The following NALF1 variants were observed in gnomAD, a reference collection of about 807,000 sequenced individuals.
NALF1 encodes family with sequence similarity 155 member A.
A neutral mutation model predicts 48.4 loss-of-function variants in NALF1; 3 were observed. That is an observed-to-expected ratio of 0.06 (90% CI 0.03 to 0.16). The LOEUF is 0.16. NALF1 is among the 10% of genes least tolerant of loss of function. NALF1 has a pLI of 1.00. For missense variants in NALF1, 526 were observed against 571.5 expected (o/e 0.92, Z 0.81); for synonymous variants, 262 against 245.7 (o/e 1.07, Z -0.62).
chr13:107,834,120 T>C (rs1429409767), intron 1 of NALF1, among the ~76,000 whole-genome samples: 5 of 152,216 alleles, frequency 3.3e-5, no homozygotes, highest in Admixed American at 6.5e-5. Context: ...ACTAGTTATA[T>C]AGCATTTGCT....
At chr13:107,457,977 A>C (rs1214470051) in intron 1 of NALF1, among the ~76,000 whole-genome samples, 1 of 152,082 alleles carries the variant, frequency 6.6e-6, no homozygotes, top group Non-Finnish European at 1.5e-5. Context: ...ATTAACTGAC[A>C]AACACTCCAC....
intron 1 of NALF1, among the ~76,000 whole-genome samples, chr13:107,635,547 G>A (rs1410033444): frequency 2.0e-5 from 3 of 151,994 alleles, no homozygotes; most frequent in Non-Finnish European, 2.9e-5. Flanking sequence ...ACCCTTTAAG[G>A]CTAGCATAAG....
At position 107,546,899 on chromosome 13, in the gene NALF1, T is replaced by A. The variant is rs183852649; in HGVS notation, c.915+318783A>T. Among the ~76,000 whole-genome samples the A allele has an allele frequency of 2.2e-3, 332 of 152,262 alleles. 2 individuals carry two copies. Among genetic ancestry groups the A allele is most frequent in the African/African-American group, 7.5e-3 (311 of 41,556 alleles). On this transcript the variant is annotated intron_variant, in intron 1 of 2. Transcript: ENST00000375915. ...TATTGGAGGAAATATGGGAGAATAA[T>A]TTACAGATAAACATTGGCAAGCCTA...
chr13:107,179,150 T>C (rs942178501), intron 2 of NALF1, among the ~76,000 whole-genome samples: 1 of 151,940 alleles, frequency 6.6e-6, no homozygotes. Flanking sequence ...GAAAATGTGG[T>C]ACATATACTT....
At chr13:107,494,867 C>T (rs1478890693) in intron 1 of NALF1, among the ~76,000 whole-genome samples, 4 of 152,028 alleles carry the variant, frequency 2.6e-5, no homozygotes, top group Non-Finnish European at 5.9e-5. Context: ...GAATACTGAA[C>T]AATATATGGA....
intron 1 of NALF1, among the ~76,000 whole-genome samples, chr13:107,856,473 A>T (rs977271425): frequency 6.6e-6 from 1 of 152,146 alleles, no homozygotes; most frequent in Non-Finnish European, 1.5e-5. Flanking sequence ...GCAAACAATT[A>T]CTTATTCATT....
At chr13:107,263,787 T>C (rs1010438721) in intron 1 of NALF1, among the ~76,000 whole-genome samples, 1 of 152,126 alleles carries the variant, frequency 6.6e-6, no homozygotes, top group Non-Finnish European at 1.5e-5. Flanking sequence ...AGTGTGAAAA[T>C]GGACTAAGAC....
intron 1 of NALF1, among the ~76,000 whole-genome samples, chr13:107,601,963 G>A (rs1487512409): frequency 6.6e-6 from 1 of 151,400 alleles, no homozygotes; most frequent in Non-Finnish European, 1.5e-5. Flanking sequence ...GTTTTAATGC[G>A]ACAAATTTCC....
At chr13:107,305,155 T>C (rs1372587909) in intron 1 of NALF1, among the ~76,000 whole-genome samples, 1 of 152,200 alleles carries the variant, frequency 6.6e-6, no homozygotes, top group Non-Finnish European at 1.5e-5. Flanking sequence ...CATACCTCAT[T>C]GCAGAGTTAC....
At position 107,656,536 on chromosome 13, in the gene NALF1, AG is replaced by A. The variant is rs1223734204; in HGVS notation, c.915+209145del. Among the ~76,000 whole-genome samples the A allele has an allele frequency of 4.6e-5, 7 of 152,170 alleles. No individual in the cohort carries two copies. The South Asian group carries it at 1.2e-3, about 27-fold the overall frequency. On this transcript the variant is annotated intron_variant, in intron 1 of 2. Transcript: ENST00000375915. ...AGATGTTGGCATGGATGCAGTAAAA[AG>A]GAACATTTTTACAATGCTGGTGGGA...
chr13:107,634,374 C>T (rs954574668), intron 1 of NALF1, among the ~76,000 whole-genome samples: 1 of 152,028 alleles, frequency 6.6e-6, no homozygotes, highest in South Asian at 2.1e-4. Flanking sequence ...ACTACACAAG[C>T]TATGCATGTA....
intron 2 of NALF1, among the ~76,000 whole-genome samples, chr13:107,171,238 G>A (rs1355488286): frequency 6.6e-6 from 1 of 152,176 alleles, no homozygotes; most frequent in East Asian, 1.9e-4. Context: ...TGTTATCATC[G>A]TTTCCTCTCA....
At chr13:107,439,309 A>G (rs369854972) in intron 1 of NALF1, among the ~76,000 whole-genome samples, 1 of 152,178 alleles carries the variant, frequency 6.6e-6, no homozygotes, top group Non-Finnish European at 1.5e-5. Flanking sequence ...ATACAAATCA[A>G]TTTCCTGGAA....
chr13:107,645,226 A>G (rs139494220), intron 1 of NALF1, among the ~76,000 whole-genome samples: 1 of 152,298 alleles, frequency 6.6e-6, no homozygotes, highest in Non-Finnish European at 1.5e-5. Flanking sequence ...CACCACAAGC[A>G]GTTACAGTTG....
chr13:107,337,943 C>A (rs1158955772), intron 1 of NALF1, among the ~76,000 whole-genome samples: 1 of 152,106 alleles, frequency 6.6e-6, no homozygotes, highest in African/African-American at 2.4e-5. Flanking sequence ...CAAATAACAG[C>A]AACATAAAAA....
At chr13:107,404,048 T>A (rs1031256617) in intron 1 of NALF1, among the ~76,000 whole-genome samples, 2 of 152,132 alleles carry the variant, frequency 1.3e-5, no homozygotes, top group Non-Finnish European at 2.9e-5. Context: ...TAGTTACAGA[T>A]CTTTCTATAA....
chr13:107,774,131 T>A (rs879617822), intron 1 of NALF1, among the ~76,000 whole-genome samples: 17 of 152,198 alleles, frequency 1.1e-4, no homozygotes, highest in Admixed American at 7.9e-4. Flanking sequence ...TTCAATCATT[T>A]CTCTTGATAT....
intron 1 of NALF1, among the ~76,000 whole-genome samples, chr13:107,521,760 T>C (rs1876246366): frequency 6.6e-6 from 1 of 152,122 alleles, no homozygotes; most frequent in African/African-American, 2.4e-5. Flanking sequence ...AAATAAACTA[T>C]ATATACCTAG....
chr13:107,325,849 CACACACATATAT>C (rs1385046539), intron 1 of NALF1, among the ~76,000 whole-genome samples: 2,638 of 52,582 alleles, frequency 0.05, 50 homozygotes, highest in East Asian at 0.12. Context: ...TCAACACACA[CACACACATATAT>C]ATATATATAT....
Sources: allele counts gnomAD v4.1 joint callset (sites outside exome capture counted in the v4.1 genomes callset), GRCh38; gene constraint gnomAD v4.1.1; transcripts MANE v1.5; gene names NCBI Gene and HGNC (gene_info 2026-07-23, HGNC 2026-07-21).